The following HDAC9 variants were observed in gnomAD, a reference collection of about 807,000 sequenced individuals.
HDAC9 encodes the protein histone deacetylase 9, also known as MEF-2 interacting transcription repressor (MITR) protein.
In HDAC9, 41 loss-of-function variants were observed where a neutral mutation model predicts 139.4. The observed-to-expected ratio is 0.29, with a 90% CI of 0.23 to 0.38. The LOEUF (loss-of-function observed/expected upper bound fraction) is 0.38, where lower values mean the gene tolerates loss of function less well. Among genes scored for constraint, HDAC9 ranks in the 10% least tolerant of loss-of-function variants. The pLI, the probability that HDAC9 is intolerant of heterozygous loss-of-function variation, is 1.00. For synonymous variants in HDAC9, 517 were observed against 476.2 expected (o/e 1.09, Z -1.12); for missense variants, 1,147 against 1,297.0 (o/e 0.88, Z 1.78).
intron 13 of HDAC9, among the ~76,000 whole-genome samples, chr7:18,745,768 G>A (rs567492234): frequency 2.7e-4 from 41 of 151,266 alleles, no homozygotes; most frequent in Admixed American, 2.5e-3. Context: ...GGTTGGTCTC[G>A]ATCTGCTGAC....
chr7:18,374,980 A>G (rs1187505182), intron 1 of HDAC9, among the ~76,000 whole-genome samples: 7 of 152,188 alleles, frequency 4.6e-5, no homozygotes, highest in Admixed American at 4.6e-4. Flanking sequence ...ATAAAAGCCT[A>G]GCACATATAG....
At chr7:18,709,321 T>A (rs902047965) in intron 12 of HDAC9, among the ~76,000 whole-genome samples, 3 of 152,168 alleles carry the variant, frequency 2.0e-5, no homozygotes, top group Non-Finnish European at 4.4e-5. Flanking sequence ...CCTGTGTTAG[T>A]TTGCTGAGGA....
At position 18,420,461 on chromosome 7, in the gene HDAC9, G is replaced by C. The variant is rs114591876; in HGVS notation, c.-41-75801G>C. Among the ~76,000 whole-genome samples the C allele has an allele frequency of 9.6e-3, 1,461 of 152,222 alleles. 36 individuals are homozygous for C. Among genetic ancestry groups the C allele is most frequent in the African/African-American group, 0.033 (1,373 of 41,542 alleles). On this transcript the variant is annotated intron_variant, in intron 1 of 3. Coordinates refer to the HDAC9 transcript ENST00000413509. ...TAATATAACAATAAACAGAGTTCCTGTTCTCTTTATGGTTTTAGTTACAGC... is the reference window on the plus strand; with the variant it reads ...TAATATAACAATAAACAGAGTTCCTCTTCTCTTTATGGTTTTAGTTACAGC...
At chr7:18,643,001 T>C (rs1584505934) in intron 8 of HDAC9, among the ~76,000 whole-genome samples, 1 of 152,122 alleles carries the variant, frequency 6.6e-6, no homozygotes, top group Non-Finnish European at 1.5e-5. Flanking sequence ...TTTCCACACT[T>C]ATTTTCTCTT....
chr7:18,822,260 C>A lies in HDAC9; in HGVS notation c.2323-6901C>A, dbSNP rs150652742. Among the ~76,000 whole-genome samples, 1,052 of 152,290 alleles carry A rather than the reference C, an allele frequency of 6.9e-3. 9 individuals carry two copies. Among genetic ancestry groups the A allele is most frequent in the African/African-American group, 0.024 (986 of 41,552 alleles). On this transcript the variant is annotated intron_variant, in intron 17 of 25. Coordinates refer to ENST00000686413, the MANE Select transcript of HDAC9 (RefSeq NM_178425.4). ...CACCATCCTGAGGCTATCCAGGAGC[C>A]CCCAGCCCCCAGTCATCTCATTAAC...
chr7:18,469,473 A>C (rs1448962400), intron 1 of HDAC9, among the ~76,000 whole-genome samples: 1 of 152,182 alleles, frequency 6.6e-6, no homozygotes, highest in African/African-American at 2.4e-5. Context: ...ACTCACATTA[A>C]CGAGAAAAAA....
At chr7:18,349,405 C>T (rs1782683173) in intron 1 of HDAC9, among the ~76,000 whole-genome samples, 1 of 151,010 alleles carries the variant, frequency 6.6e-6, no homozygotes, top group Admixed American at 6.6e-5. Context: ...TTCTCTATAG[C>T]AGTGATCAAC....
chr7:18,913,476 A>G (rs1802915539), intron 22 of HDAC9, among the ~76,000 whole-genome samples: 2 of 152,124 alleles, frequency 1.3e-5, no homozygotes, highest in Non-Finnish European at 2.9e-5. Flanking sequence ...AGGTAATGAC[A>G]TAGCAATACA....
At chr7:18,792,737 A>G (rs1223404022) in intron 16 of HDAC9, among the ~76,000 whole-genome samples, 1 of 152,052 alleles carries the variant, frequency 6.6e-6, no homozygotes, top group Non-Finnish European at 1.5e-5. Flanking sequence ...TGAACATCAC[A>G]TTTCTCCTTG....
At chr7:18,123,704 G>T (rs146026910) in intron 1 of HDAC9, among the ~76,000 whole-genome samples, 6 of 152,182 alleles carry the variant, frequency 3.9e-5, no homozygotes, top group African/African-American at 1.4e-4. Context: ...TGAAGGCTAG[G>T]GCAGGCAACA....
intron 12 of HDAC9, chr7:18,667,122 CA>C: frequency 5.1e-6 from 5 of 985,028 alleles, no homozygotes; most frequent in Non-Finnish European, 6.0e-6. Context: ...TATATAGATG[CA>C]AATTGCAGCA....
At chr7:18,991,717 CTCTG>C (rs749606090) in intron 25 of HDAC9, among the ~76,000 whole-genome samples, 20 of 151,728 alleles carry the variant, frequency 1.3e-4, no homozygotes, top group East Asian at 3.9e-4. Context: ...TCATTTGATT[CTCTG>C]TCTTTTACTT....
Position 18,727,746 on chromosome 7 carries a change from G to C in HDAC9, c.1898G>C (p.Gly633Ala). Residue 633 changes from glycine (G) to alanine (A), a missense_variant, in exon 13 of 26, where the codon GGC becomes GCC. This residue lies in a region of HDAC9 where 256 missense variants were observed against 219.2 expected (regional missense o/e 1.17). Coordinates refer to ENST00000686413, the MANE Select transcript of HDAC9 (RefSeq NM_178425.4). The stretch of plus-strand genomic sequence containing the variant: ...GCAATGGACCGCCCCCTCCAGCCTG[G>C]CTCTGCAACTGGTAGGAATCCCTAA... Reference protein sequence around the residue: ...HPAMDRPLQPGSATGIAYDPL... With the variant: ...HPAMDRPLQPASATGIAYDPL... 6.5e-7 allele frequency: 1 copy of C among 1,526,730 alleles called. No individual in the cohort carries two copies. The highest frequency in any genetic ancestry group is 8.7e-7 in the Non-Finnish European group (1 of 1,145,666). The allele number at this position is 1,526,730 out of a possible 1,614,324, so 94.6% of individuals were successfully genotyped here.
At chr7:18,191,063 A>G (rs1048769069) in intron 2 of HDAC9, among the ~76,000 whole-genome samples, 1 of 152,220 alleles carries the variant, frequency 6.6e-6, no homozygotes, top group Non-Finnish European at 1.5e-5. Context: ...CACCACCCCC[A>G]GTGGAAAATT....
chr7:18,737,228 T>A (rs779720622), intron 13 of HDAC9, among the ~76,000 whole-genome samples: 6 of 152,202 alleles, frequency 3.9e-5, no homozygotes, highest in Non-Finnish European at 7.3e-5. Context: ...TGTGTCTCTA[T>A]CTCCTTCAGT....
intron 2 of HDAC9, among the ~76,000 whole-genome samples, chr7:18,505,508 A>G (rs1799521120): frequency 6.6e-6 from 1 of 152,170 alleles, no homozygotes; most frequent in Non-Finnish European, 1.5e-5. Flanking sequence ...TATCTGTCCA[A>G]TTTGGGTCCA....
intron 2 of HDAC9, among the ~76,000 whole-genome samples, chr7:18,198,282 A>G (rs913431270): frequency 2.6e-5 from 4 of 152,126 alleles, no homozygotes; most frequent in African/African-American, 9.6e-5. Context: ...CCCATTTTAT[A>G]TAGCATTAAG....
rs1319427341 is a variant in HDAC9, at chr7:18,174,763, C to T, written c.25+12414C>T. Among the ~76,000 whole-genome samples the T allele has an allele frequency of 7.9e-5, 12 of 152,304 alleles. No individual in the cohort carries two copies. In the South Asian group the frequency reaches 2.3e-3, roughly 29 times the overall value. On this transcript the variant is annotated intron_variant, in intron 2 of 12. Transcript: ENST00000417496. ...GGAGGTCCTCTCCAGACGCCGTTTG[C>T]CTGGGTATCACCAGTGGAGGCTGCA...
chr7:18,227,237 CTGAG>C, intron 2 of HDAC9, among the ~76,000 whole-genome samples: 1 of 152,232 alleles, frequency 6.6e-6, no homozygotes, highest in African/African-American at 2.4e-5. Context: ...TGTAATCCTT[CTGAG>C]TATTTTCTTT....
Sources: allele counts gnomAD v4.1 joint callset (sites outside exome capture counted in the v4.1 genomes callset), GRCh38; gene constraint gnomAD v4.1.1; regional missense constraint gnomAD v4.1.1; transcripts MANE v1.5; gene names NCBI Gene and HGNC (gene_info 2026-07-23, HGNC 2026-07-21).